The following PRRC2B variants were observed in gnomAD, a reference collection of about 807,000 sequenced individuals.
PRRC2B encodes proline rich coiled-coil 2B.
A neutral mutation model predicts 242.3 loss-of-function variants in PRRC2B; 68 were observed. That is an observed-to-expected ratio of 0.28 (90% CI 0.23 to 0.34). The LOEUF is 0.34. Among genes scored for constraint, PRRC2B ranks in the 10% least tolerant of loss-of-function variants. The pLI is 1.00. For synonymous variants in PRRC2B, 1,228 were observed against 1,173.6 expected (o/e 1.05, Z -0.95); for missense variants, 2,835 against 2,954.8 (o/e 0.96, Z 0.94).
chr9:131,380,125 T>C (rs1381616943), intron 1 of PRRC2B, among the ~76,000 whole-genome samples: 6 of 150,618 alleles, frequency 4.0e-5, no homozygotes, highest in Non-Finnish European at 8.9e-5. Flanking sequence ...CCCAAGCAGC[T>C]GAGACTACAG....
At chr9:131,486,205 C>T (rs1944019728) in intron 26 of PRRC2B, 23 bp downstream of exon 26, 2 of 1,532,720 alleles carry the variant, frequency 1.3e-6, no homozygotes, top group Non-Finnish European at 1.8e-6. Context: ...AGCCAGGTGG[C>T]CTGGCTGGGG....
In PRRC2B at chr9:131,476,380, C is replaced by T; in HGVS notation, c.4251C>T (p.Ala1417=). 1 of 1,602,570 alleles carries T rather than the reference C, an allele frequency of 6.2e-7. No homozygotes were observed. The highest frequency in any genetic ancestry group is 8.5e-7 in the Non-Finnish European group (1 of 1,174,574). The part of the protein sequence containing the change: ...GASLGEKKEL[A]KRSFSSQRPV... ...GTTTGGGTGAGAAGAAGGAGCTGGC[C>T]AAGAGGAGCTTCTCCAGTCAGAGAC... The change falls in exon 16 of 32, where the codon GCC becomes GCT. Residue 1417 remains alanine (A), a synonymous_variant. Coordinates refer to ENST00000683519, the MANE Select transcript of PRRC2B (RefSeq NM_013318.4).
Position 131,482,289 on chromosome 9 carries a change from G to T in PRRC2B, c.4984-82G>T. 7.0e-7 allele frequency: 1 copy of T among 1,438,382 alleles called. No homozygotes were observed. Among genetic ancestry groups the T allele is most frequent in the South Asian group, 1.4e-5 (1 of 72,188 alleles). The allele number at this position is 1,438,382 out of a possible 1,614,324, so 89.1% of individuals were successfully genotyped here. On this transcript the variant is annotated intron_variant, in intron 20 of 31. Transcript: ENST00000683519. This position sits in a 1 kb window ranked among gnomAD's most constrained non-coding sequence, Gnocchi z 5.2. The stretch of plus-strand genomic sequence containing the variant: ...AGGGACAGGCAGCTGGGGTAGAAAA[G>T]TCTCTGTGCCACATGCAGTTTTACT...
chr9:131,387,140 T>C (rs1836836948), intron 1 of PRRC2B, among the ~76,000 whole-genome samples: 1 of 150,214 alleles, frequency 6.7e-6, no homozygotes, highest in Non-Finnish European at 1.5e-5. Context: ...TAGCTGGGAT[T>C]ACAGGCATGC....
At position 131,378,471 on chromosome 9, in the gene PRRC2B, A is replaced by G. The variant is rs548032114; in HGVS notation, c.-56+4740A>G. Among the ~76,000 whole-genome samples, 3 of 152,214 alleles carry G rather than the reference A, an allele frequency of 2.0e-5. No homozygotes were observed. In the East Asian group the frequency reaches 5.8e-4, roughly 29 times the overall value. On this transcript the variant is annotated intron_variant, in intron 1 of 1. Coordinates refer to the PRRC2B transcript ENST00000682525. The stretch of plus-strand genomic sequence containing the variant: ...TGGAATCTAAAATGCACCAAGAATA[A>G]TGAGATAATTGGGCTTCCTTGGACT...
At chr9:131,491,352 G>T in intron 28 of PRRC2B, 73 bp from the exon 29 acceptor site, 2 of 1,403,118 alleles carry the variant, frequency 1.4e-6, no homozygotes, top group Non-Finnish European at 9.6e-7. Flanking sequence ...GTGCATGTGC[G>T]GTCGCTCTTT....
At chr9:131,380,327 C>T (rs910369959) in intron 1 of PRRC2B, among the ~76,000 whole-genome samples, 3 of 151,646 alleles carry the variant, frequency 2.0e-5, no homozygotes, top group Non-Finnish European at 4.4e-5. Flanking sequence ...CGTGTAATCT[C>T]AGCACTTTGC....
intron 3 of PRRC2B, among the ~76,000 whole-genome samples, chr9:131,436,214 G>C (rs191603331): frequency 6.6e-6 from 1 of 152,208 alleles, no homozygotes; most frequent in South Asian, 2.1e-4. Flanking sequence ...TTTTAAAAAA[G>C]AAAGGCCAGG....
intron 2 of PRRC2B, 64 bp from the exon 3 acceptor site, chr9:131,432,553 A>T: frequency 6.8e-7 from 1 of 1,470,628 alleles, no homozygotes; most frequent in Non-Finnish European, 9.3e-7. Flanking sequence ...AGCTGAATGC[A>T]TCAGGCTTCT....
At position 131,473,610 on chromosome 9, in the gene PRRC2B, C is replaced by T; in HGVS notation, c.2210C>T (p.Pro737Leu). The T allele has an allele frequency of 6.2e-7, 1 of 1,613,332 alleles. No homozygotes were observed. The highest frequency in any genetic ancestry group is 8.5e-7 in the Non-Finnish European group (1 of 1,179,662). ...CCACTCCAAGAAAGAAAAGTGACCC[C>T]CATCGACTCACCCCCTGTGTGGAGC... is the stretch of plus-strand genomic sequence containing the variant. ...VPPLQERKVT[P>L]IDSPPVWSPE... The change falls in exon 15 of 32, where the codon CCC becomes CTC. Residue 737 changes from proline (P) to leucine (L), a missense_variant. Coordinates refer to ENST00000683519, the MANE Select transcript of PRRC2B (RefSeq NM_013318.4).
chr9:131,473,096 G>A (rs192258889), intron 14 of PRRC2B, among the ~76,000 whole-genome samples: 155 of 152,252 alleles, frequency 1.0e-3, no homozygotes, highest in Non-Finnish European at 1.4e-3. Context: ...AGACAGACCC[G>A]CCAGTCTGTT....
At chr9:131,464,609 C>T (rs1226685637) in intron 11 of PRRC2B, among the ~76,000 whole-genome samples, 154 bp from the exon 12 acceptor site, 2 of 152,200 alleles carry the variant, frequency 1.3e-5, no homozygotes, top group Non-Finnish European at 2.9e-5. Context: ...GAGGCCAGAG[C>T]AGGATTCGAA....
intron 1 of PRRC2B, among the ~76,000 whole-genome samples, chr9:131,374,248 A>G (rs1836654322): frequency 6.6e-6 from 1 of 152,018 alleles, no homozygotes; most frequent in Non-Finnish European, 1.5e-5. Context: ...ACTGTGAGTT[A>G]GTGTGGTTAA....
chr9:131,456,636 T>C (rs1347211423), intron 10 of PRRC2B, among the ~76,000 whole-genome samples: 1 of 148,574 alleles, frequency 6.7e-6, no homozygotes, highest in Non-Finnish European at 1.5e-5. Flanking sequence ...AGACTCCACC[T>C]CAAAAAAAAA....
intron 1 of PRRC2B, among the ~76,000 whole-genome samples, chr9:131,384,105 T>C (rs1836798005): frequency 7.0e-6 from 1 of 143,234 alleles, no homozygotes; most frequent in Non-Finnish European, 1.5e-5. Context: ...TTTTTTTTTT[T>C]TGGAGACAGA....
In PRRC2B at chr9:131,482,900, G is replaced by C; in HGVS notation, c.5366G>C (p.Ser1789Thr). The change falls in exon 22 of 32, where the codon AGT (serine) becomes ACT (threonine). Residue 1789 changes from serine (S) to threonine (T), a missense_variant. Physicochemically the swap from Ser to Thr is moderately conservative, Grantham distance 58 (BLOSUM62 1). This residue lies in a region of PRRC2B where 574 missense variants were observed against 626.0 expected (regional missense o/e 0.92). Transcript: ENST00000683519. The surrounding 1 kb of genome is among the most constrained non-coding windows in gnomAD (Gnocchi z 5.2). ...GTGCCACCCATTGAATTTGGAGTCA[G>C]TCCAAAAGTGAGGCTTTGATTTGTT... ...LPVPPIEFGV[S>T]PKDSDFSLPP... The C allele has an allele frequency of 6.2e-7, 1 of 1,605,172 alleles. No homozygotes were observed.
chr9:131,476,545 G>A lies in PRRC2B; in HGVS notation c.4406+10G>A. The A allele has an allele frequency of 6.4e-7, 1 of 1,567,518 alleles. No individual in the cohort carries two copies. ...CTTTGAAAGTGAAAAGGTAAAACCA[G>A]ACACCATCTGGGCCCTTTTTGTTGT... On this transcript the variant is annotated intron_variant, in intron 16 of 31. Coordinates refer to ENST00000683519, the MANE Select transcript of PRRC2B (RefSeq NM_013318.4).
At chr9:131,437,132 T>C (rs1414000972) in intron 4 of PRRC2B, among the ~76,000 whole-genome samples, 1 of 152,078 alleles carries the variant, frequency 6.6e-6, no homozygotes, top group East Asian at 1.9e-4. Context: ...CCAGGTGAGT[T>C]TGAAAAACAA....
intron 1 of PRRC2B, among the ~76,000 whole-genome samples, chr9:131,400,705 C>T (rs1386927660): frequency 1.3e-5 from 2 of 152,160 alleles, no homozygotes; most frequent in African/African-American, 4.8e-5. Flanking sequence ...AGCCACGGCA[C>T]CCAGCAAGGC....
Sources: gnomAD v4.1 joint callset for allele counts (sites outside exome capture counted in the v4.1 genomes callset) on GRCh38, gnomAD v4.1.1 for gene constraint, gnomAD v4.1.1 regional missense constraint, Gnocchi (gnomAD v3.1) non-coding constraint, MANE v1.5 for transcripts, NCBI Gene and HGNC (gene_info 2026-07-23, HGNC 2026-07-21) for gene names.